Variants in PHACTR3 observed in about 807,000 individuals in gnomAD.
The protein encoded by PHACTR3 is phosphatase and actin regulator 3.
PHACTR3 carries 16 observed loss-of-function variants against 66.8 expected under a neutral mutation model. The ratio of observed to expected loss-of-function variants is 0.24; its 90% CI spans 0.16 to 0.36. The LOEUF is 0.36. Among genes scored for constraint, PHACTR3 ranks in the 10% least tolerant of loss-of-function variants. PHACTR3 has a pLI of 1.00. For missense variants in PHACTR3, 647 were observed against 719.9 expected (o/e 0.90, Z 1.16); for synonymous variants, 323 against 292.1 (o/e 1.11, Z -1.08).
At chr20:59,652,367 G>A (rs1456043256) in intron 1 of PHACTR3, among the ~76,000 whole-genome samples, 1 of 152,020 alleles carries the variant, frequency 6.6e-6, no homozygotes, top group African/African-American at 2.4e-5. Context: ...AACATAACAA[G>A]ACCCCATCTC....
intron 1 of PHACTR3, among the ~76,000 whole-genome samples, chr20:59,593,821 G>A (rs2033253295): frequency 6.6e-6 from 1 of 152,150 alleles, no homozygotes; most frequent in Admixed American, 6.5e-5. Flanking sequence ...TATTTATGTG[G>A]ATCAATTCCT....
rs185222889 is a variant in PHACTR3 at position 59,675,510 on chromosome 20, C to T, written c.119-67597C>T. Among the ~76,000 whole-genome samples the T allele has an allele frequency of 1.2e-4, 18 of 152,288 alleles. No homozygotes were observed. In the East Asian group the frequency reaches 2.3e-3, roughly 20 times the overall value. On this transcript the variant is annotated intron_variant, in intron 1 of 12. Coordinates refer to ENST00000371015, the MANE Select transcript of PHACTR3 (RefSeq NM_080672.5). The stretch of plus-strand genomic sequence containing the variant: ...GGTTCTGGGCTATTGTCCCTGTCTC[C>T]GAGGATCAGAGAGGTGAAGTCCCCT...
At chr20:59,691,872 C>A (rs2037120463) in intron 1 of PHACTR3, among the ~76,000 whole-genome samples, 1 of 152,170 alleles carries the variant, frequency 6.6e-6, no homozygotes, top group Non-Finnish European at 1.5e-5. Context: ...ATCCACTCGC[C>A]CCACCAAGCC....
intron 1 of PHACTR3, among the ~76,000 whole-genome samples, chr20:59,686,686 AT>A (rs2036882392): frequency 1.5e-5 from 2 of 132,584 alleles, no homozygotes; most frequent in Non-Finnish European, 3.4e-5. Context: ...GATGATGGTG[AT>A]GATGATGATT....
rs11477768 is a variant in PHACTR3 at position 59,604,877 on chromosome 20, C to CTT, written c.-117_-116dup. 6.7e-3 allele frequency: 6,510 copies of CTT among 965,714 alleles called. 19 individuals carry two copies. The highest frequency in any genetic ancestry group is 0.036 in the African/African-American group (1,680 of 46,580). 59.8% of individuals were successfully genotyped at this position (965,714 alleles called of 1,614,324 possible). ...TCTCCAGCTCGTTTCCTTTCCCGGCCTTTTTTTTTTTTTTTTTTTTTTAAT... is the reference window on the plus strand; with the variant it reads ...TCTCCAGCTCGTTTCCTTTCCCGGCCTTTTTTTTTTTTTTTTTTTTTTTTAAT... On this transcript the variant is annotated 5_prime_UTR_variant, in exon 1 of 13. Coordinates refer to ENST00000371015, the MANE Select transcript of PHACTR3 (RefSeq NM_080672.5).
chr20:59,620,291 A>G (rs942997057), intron 1 of PHACTR3, among the ~76,000 whole-genome samples: 1 of 152,188 alleles, frequency 6.6e-6, no homozygotes, highest in Non-Finnish European at 1.5e-5. Flanking sequence ...CCACTTAACT[A>G]CAGTAAGTCA....
At chr20:59,840,086 A>C (rs948275189) in intron 9 of PHACTR3, among the ~76,000 whole-genome samples, 2 of 152,170 alleles carry the variant, frequency 1.3e-5, no homozygotes, top group Admixed American at 1.3e-4. Flanking sequence ...TTCCTTAAAC[A>C]AACAGCAGCC....
intron 1 of PHACTR3, among the ~76,000 whole-genome samples, chr20:59,584,183 T>C (rs1355458494): frequency 6.6e-6 from 1 of 152,096 alleles, no homozygotes; most frequent in African/African-American, 2.4e-5. Context: ...TAAGGACAAG[T>C]GTGTGTGAAC....
At chr20:59,699,663 TGGATA>T (rs1414435407) in intron 1 of PHACTR3, among the ~76,000 whole-genome samples, 2 of 152,104 alleles carry the variant, frequency 1.3e-5, no homozygotes, top group Non-Finnish European at 2.9e-5. Context: ...TCACCTTTAT[TGGATA>T]GTGAAAAGTC....
At chr20:59,711,439 T>C (rs1224007032) in intron 1 of PHACTR3, among the ~76,000 whole-genome samples, 1 of 152,110 alleles carries the variant, frequency 6.6e-6, no homozygotes, top group East Asian at 1.9e-4. Flanking sequence ...ATCTGATGAG[T>C]TGATTTTTAA....
intron 8 of PHACTR3, among the ~76,000 whole-genome samples, chr20:59,816,652 A>T (rs1174602424): frequency 6.6e-6 from 1 of 152,224 alleles, no homozygotes; most frequent in Non-Finnish European, 1.5e-5. Flanking sequence ...AAACTTCTTC[A>T]ATGTTTTATC....
chr20:59,585,735 C>G (rs2033007870), intron 1 of PHACTR3, among the ~76,000 whole-genome samples: 1 of 152,182 alleles, frequency 6.6e-6, no homozygotes, highest in Admixed American at 6.5e-5. Flanking sequence ...GGCAGGGAGG[C>G]CTCCTCTCCT....
chr20:59,840,520 C>A, intron 10 of PHACTR3, 90 bp downstream of exon 10: 3 of 1,555,958 alleles, frequency 1.9e-6, no homozygotes, highest in Non-Finnish European at 1.7e-6. Context: ...TGCTAGGTAT[C>A]ACTCTGTGAT....
At chr20:59,631,253 T>C (rs375291877) in intron 1 of PHACTR3, among the ~76,000 whole-genome samples, 4 of 152,336 alleles carry the variant, frequency 2.6e-5, no homozygotes, top group East Asian at 3.9e-4. Flanking sequence ...GAAACTTCTA[T>C]GTGCATACAT....
intron 7 of PHACTR3, among the ~76,000 whole-genome samples, chr20:59,786,158 C>G (rs1355156147): frequency 2.0e-5 from 3 of 152,244 alleles, no homozygotes; most frequent in Non-Finnish European, 4.4e-5. Context: ...CCCCTTTGCC[C>G]TGCTCATTCC....
intron 1 of PHACTR3, among the ~76,000 whole-genome samples, chr20:59,669,070 G>A (rs1601051618): frequency 6.6e-6 from 1 of 152,118 alleles, no homozygotes; most frequent in South Asian, 2.1e-4. Context: ...TTTAGTATAA[G>A]ACTGATGTGT....
chr20:59,604,805 C>G lies in PHACTR3; in HGVS notation c.-210C>G, dbSNP rs2033598109. The G allele has an allele frequency of 8.3e-7, 1 of 1,208,216 alleles. No individual in the cohort carries two copies. Among genetic ancestry groups the G allele is most frequent in the Non-Finnish European group, 1.0e-6 (1 of 974,652 alleles). 74.8% of individuals were successfully genotyped at this position (1,208,216 alleles called of 1,614,324 possible). A position where few individuals can be genotyped will look rare whatever the true frequency, so the allele number is the denominator to read the frequency against. On this transcript the variant is annotated 5_prime_UTR_variant, in exon 1 of 13. Coordinates refer to ENST00000371015, the MANE Select transcript of PHACTR3 (RefSeq NM_080672.5). ...CACGCCGGGATGCGCCTGGCTGCAGCCGGCGAGGCTATTGTCTCCCCGCCC... is the reference window on the plus strand; with the variant it reads ...CACGCCGGGATGCGCCTGGCTGCAGGCGGCGAGGCTATTGTCTCCCCGCCC...
chr20:59,670,638 A>C (rs1445345200), intron 1 of PHACTR3, among the ~76,000 whole-genome samples: 1 of 141,088 alleles, frequency 7.1e-6, no homozygotes, highest in Admixed American at 7.5e-5. Context: ...TACTGTTTCC[A>C]TCCTGCAAGG....
intron 1 of PHACTR3, among the ~76,000 whole-genome samples, chr20:59,671,902 G>GC (rs890202386): frequency 6.6e-6 from 1 of 152,246 alleles, no homozygotes; most frequent in African/African-American, 2.4e-5. Context: ...ATCCAGCCTG[G>GC]CCTCTCTAGG....
Sources: gnomAD v4.1 joint callset for allele counts (sites outside exome capture counted in the v4.1 genomes callset) on GRCh38, gnomAD v4.1.1 for gene constraint, MANE v1.5 for transcripts, NCBI Gene and HGNC (gene_info 2026-07-23, HGNC 2026-07-21) for gene names.